Variants in EFNA5 observed in about 807,000 individuals in gnomAD.
The protein encoded by EFNA5 is ephrin A5.
A neutral mutation model predicts 22.9 loss-of-function variants in EFNA5; 5 were observed. The observed-to-expected ratio is 0.22, with a 90% CI of 0.11 to 0.46. EFNA5 has a LOEUF of 0.46. EFNA5 is among the 20% of genes least tolerant of loss of function. EFNA5 has a pLI of 0.99. For missense variants in EFNA5, 237 were observed against 293.3 expected (o/e 0.81, Z 1.40); for synonymous variants, 113 against 112.2 (o/e 1.01, Z -0.04).
At position 107,380,801 on chromosome 5, in the gene EFNA5, A is replaced by C; in HGVS notation, c.*454T>G. 7.4e-6 allele frequency: 3 copies of C among 402,724 alleles called. No homozygotes were observed. Among genetic ancestry groups the C allele is most frequent in the Non-Finnish European group, 1.3e-5 (3 of 228,294 alleles). The allele number at this position is 402,724 out of a possible 1,614,324, so 24.9% of individuals were successfully genotyped here. On this transcript the variant is annotated 3_prime_UTR_variant, in exon 5 of 5. Transcript: ENST00000333274. ...CTGCGCGATCATCTTACAGTTCTGA[A>C]TGAGAAGGCATAAATATTGCATAGG...
At chr5:107,625,366 C>T (rs1750121393) in intron 1 of EFNA5, among the ~76,000 whole-genome samples, 1 of 151,638 alleles carries the variant, frequency 6.6e-6, no homozygotes, top group Non-Finnish European at 1.5e-5. Context: ...AATTCAATCA[C>T]CAATTTCTCC....
chr5:107,509,953 T>C (rs1040684104), intron 1 of EFNA5, among the ~76,000 whole-genome samples: 4 of 152,216 alleles, frequency 2.6e-5, no homozygotes, highest in Non-Finnish European at 5.9e-5. Context: ...TGTATGCTAC[T>C]GTCAAAGGCA....
chr5:107,377,716 TTGATAAAGA>T lies in EFNA5; in HGVS notation c.*3530_*3538del, dbSNP rs1747304722. 3 of 152,084 alleles carry T rather than the reference TTGATAAAGA, an allele frequency of 2.0e-5. No individual in the cohort carries two copies. Among genetic ancestry groups the T allele is most frequent in the Non-Finnish European group, 4.4e-5 (3 of 68,042 alleles). 9.4% of individuals were successfully genotyped at this position (152,084 alleles called of 1,614,324 possible). A position where few individuals can be genotyped will look rare whatever the true frequency, so the allele number is the denominator to read the frequency against. On this transcript the variant is annotated 3_prime_UTR_variant, in exon 5 of 5. Transcript: ENST00000333274. ...TTCCATGAGTGAGCTGCACATGATATTGATAAAGACTCTTCCTGGGAAAAAATAAAACAG... is the reference window on the plus strand; with the variant it reads ...TTCCATGAGTGAGCTGCACATGATATCTCTTCCTGGGAAAAAATAAAACAG...
At chr5:107,495,299 C>T (rs1037959104) in intron 1 of EFNA5, among the ~76,000 whole-genome samples, 15 of 152,118 alleles carry the variant, frequency 9.9e-5, no homozygotes, top group Admixed American at 8.5e-4. Flanking sequence ...CCAGACGAGC[C>T]GCCTTAAGAG....
chr5:107,459,118 G>A (rs2112453799), intron 1 of EFNA5, among the ~76,000 whole-genome samples: 1 of 152,176 alleles, frequency 6.6e-6, no homozygotes, highest in East Asian at 1.9e-4. Flanking sequence ...ATCAATTGGA[G>A]GCTACTGGCT....
chr5:107,388,338 G>C (rs1403290168), intron 2 of EFNA5: 1 of 152,472 alleles, frequency 6.6e-6, no homozygotes, highest in Non-Finnish European at 1.5e-5. Context: ...ACTTGGCTCT[G>C]CATTCTATAT....
At chr5:107,614,106 T>C (rs1749869943) in intron 1 of EFNA5, among the ~76,000 whole-genome samples, 2 of 152,146 alleles carry the variant, frequency 1.3e-5, no homozygotes, top group African/African-American at 4.8e-5. Flanking sequence ...ACACCCTGTG[T>C]AGTTTACACA....
intron 1 of EFNA5, among the ~76,000 whole-genome samples, chr5:107,644,595 T>G (rs578117600): frequency 3.3e-5 from 5 of 152,242 alleles, no homozygotes; most frequent in African/African-American, 1.2e-4. Flanking sequence ...AAAATCTTTG[T>G]TAATTACCTA....
At chr5:107,587,675 C>T (rs143701653) in intron 1 of EFNA5, among the ~76,000 whole-genome samples, 2,245 of 152,250 alleles carry the variant, frequency 0.015, 49 homozygotes, top group African/African-American at 0.052. Context: ...CACCACCACG[C>T]CCAGCTAATT....
chr5:107,542,272 T>C (rs1033793519), intron 1 of EFNA5, among the ~76,000 whole-genome samples: 2 of 152,176 alleles, frequency 1.3e-5, no homozygotes, highest in African/African-American at 4.8e-5. Flanking sequence ...CTTCCCAAGC[T>C]GTACTGAAAG....
At chr5:107,468,926 T>C (rs1388184095) in intron 1 of EFNA5, among the ~76,000 whole-genome samples, 1 of 152,198 alleles carries the variant, frequency 6.6e-6, no homozygotes, top group African/African-American at 2.4e-5. Flanking sequence ...TATGTGTTGA[T>C]AGGAGCACAG....
At chr5:107,625,745 T>G (rs1750128780) in intron 1 of EFNA5, among the ~76,000 whole-genome samples, 1 of 152,202 alleles carries the variant, frequency 6.6e-6, no homozygotes, top group Admixed American at 6.5e-5. Context: ...TTTCCATAAT[T>G]CAAACTACAG....
chr5:107,413,287 G>C (rs1011458585), intron 2 of EFNA5, among the ~76,000 whole-genome samples: 1 of 152,140 alleles, frequency 6.6e-6, no homozygotes, highest in Non-Finnish European at 1.5e-5. Flanking sequence ...AAAAATGACT[G>C]TTGTCTAACC....
chr5:107,644,689 CT>C (rs71624882), intron 1 of EFNA5, among the ~76,000 whole-genome samples: 6,603 of 152,094 alleles, frequency 0.043, 200 homozygotes, highest in Non-Finnish European at 0.069. Context: ...CTACTGTCTA[CT>C]TTTTTCTGTT....
rs1014630484 is a variant in EFNA5 at position 107,563,764 on chromosome 5, G to C, written c.125+106725C>G. On this transcript the variant is annotated intron_variant, in intron 1 of 4. Transcript: ENST00000333274. ...CCATGCTTTCTTTTCCTTTCCTTGA[G>C]TCTCCTTGTATCTAAATTTACATCC... 1.8e-4 allele frequency among the ~76,000 whole-genome samples: 27 copies of C among 152,232 alleles called. 2 individuals carry two copies. In the South Asian group the frequency reaches 5.4e-3, roughly 30 times the overall value.
At chr5:107,515,828 G>A (rs1747462458) in intron 1 of EFNA5, among the ~76,000 whole-genome samples, 1 of 152,174 alleles carries the variant, frequency 6.6e-6, no homozygotes, top group Non-Finnish European at 1.5e-5. Flanking sequence ...CTATCTATGA[G>A]ATATGTTGTA....
intron 2 of EFNA5, among the ~76,000 whole-genome samples, chr5:107,405,375 T>C (rs949979235): frequency 2.6e-5 from 4 of 152,208 alleles, no homozygotes; most frequent in African/African-American, 4.8e-5. Flanking sequence ...CCTCCCCATT[T>C]ACATACAGAC....
intron 1 of EFNA5, among the ~76,000 whole-genome samples, chr5:107,523,668 C>A (rs560747452): frequency 6.6e-6 from 1 of 152,328 alleles, no homozygotes; most frequent in Admixed American, 6.5e-5. Flanking sequence ...ATTCTACAAG[C>A]TTTCTGTAAT....
intron 1 of EFNA5, among the ~76,000 whole-genome samples, chr5:107,561,732 C>T (rs59130650): frequency 0.19 from 29,506 of 152,086 alleles, 4,093 homozygotes; most frequent in African/African-American, 0.38. Context: ...CCTTTCCCCA[C>T]AGCTAACAGG....
Sources: allele counts gnomAD v4.1 joint callset (sites outside exome capture counted in the v4.1 genomes callset), GRCh38; gene constraint gnomAD v4.1.1; transcripts MANE v1.5; gene names NCBI Gene and HGNC (gene_info 2026-07-23, HGNC 2026-07-21).